Variants in ESRRG observed in about 807,000 individuals in gnomAD.
ESRRG encodes estrogen-related receptor gamma.
A neutral mutation model predicts 44.0 loss-of-function variants in ESRRG; 13 were observed. That is an observed-to-expected ratio of 0.30 (90% CI 0.19 to 0.47). The LOEUF is 0.47. Ranked by LOEUF, ESRRG falls within the 20% of genes least tolerant of loss-of-function variation. ESRRG has a pLI of 1.00. For synonymous variants in ESRRG, 215 were observed against 214.6 expected (o/e 1.00, Z -0.02); for missense variants, 395 against 580.6 (o/e 0.68, Z 3.29).
chr1:216,846,173 C>T (rs1177255419), intron 2 of ESRRG, among the ~76,000 whole-genome samples: 5 of 152,100 alleles, frequency 3.3e-5, no homozygotes, highest in African/African-American at 1.2e-4. Flanking sequence ...TTTACATGGT[C>T]AATATCGTAC....
At chr1:217,070,767 T>A (rs1263719765) in intron 1 of ESRRG, among the ~76,000 whole-genome samples, 1 of 152,220 alleles carries the variant, frequency 6.6e-6, no homozygotes, top group Non-Finnish European at 1.5e-5. Flanking sequence ...CCATGCCTCT[T>A]TCTGTGTCTA....
chr1:216,703,289 A>G (rs184170983), intron 1 of ESRRG, among the ~76,000 whole-genome samples: 1 of 152,304 alleles, frequency 6.6e-6, no homozygotes, highest in Admixed American at 6.5e-5. Flanking sequence ...TAACACTATG[A>G]TAACTGATGA....
intron 1 of ESRRG, chr1:216,714,450 A>G (rs545139272): frequency 1.0e-4 from 26 of 258,816 alleles, no homozygotes; most frequent in African/African-American, 2.8e-4. Flanking sequence ...GGTTATCTCA[A>G]TGTGGCAGCA....
chr1:217,100,162 T>C lies in ESRRG; in HGVS notation c.-230+37505A>G, dbSNP rs370286726. On this transcript the variant is annotated intron_variant, in intron 1 of 8. Coordinates refer to the ESRRG transcript ENST00000366940. ...GCTCTAGACATTCTGGGAATTCCTCTTTTAAAATCACCTTCATAGATGGTT... is the reference window on the plus strand; with the variant it reads ...GCTCTAGACATTCTGGGAATTCCTCCTTTAAAATCACCTTCATAGATGGTT... Among the ~76,000 whole-genome samples the C allele has an allele frequency of 2.6e-5, 4 of 152,362 alleles. No individual in the cohort carries two copies. In the East Asian group the frequency reaches 5.8e-4, roughly 22 times the overall value.
chr1:216,653,833 G>T (rs1489498653), intron 2 of ESRRG, among the ~76,000 whole-genome samples: 1 of 152,032 alleles, frequency 6.6e-6, no homozygotes, highest in Non-Finnish European at 1.5e-5. Context: ...AACCATCCAA[G>T]CCAGGTGCAG....
At chr1:216,550,330 T>C (rs2149375801) in intron 5 of ESRRG, among the ~76,000 whole-genome samples, 1 of 152,270 alleles carries the variant, frequency 6.6e-6, no homozygotes, top group South Asian at 2.1e-4. Context: ...TGTGACACAT[T>C]TGCATCTTAT....
At chr1:216,599,724 T>C (rs920352863) in intron 3 of ESRRG, among the ~76,000 whole-genome samples, 3 of 151,898 alleles carry the variant, frequency 2.0e-5, no homozygotes, top group Non-Finnish European at 2.9e-5. Context: ...AATGATCCTT[T>C]CAAATATTAA....
intron 2 of ESRRG, among the ~76,000 whole-genome samples, chr1:216,798,832 G>C (rs1474850185): frequency 6.6e-6 from 1 of 152,140 alleles, no homozygotes; most frequent in Non-Finnish European, 1.5e-5. Flanking sequence ...TACCTATGGA[G>C]CTGTTGTGGA....
chr1:217,018,766 T>C (rs947709662), intron 1 of ESRRG, among the ~76,000 whole-genome samples: 2 of 152,192 alleles, frequency 1.3e-5, no homozygotes, highest in Admixed American at 6.6e-5. Flanking sequence ...ATTTCATCTC[T>C]GAAGTCCACC....
At chr1:216,561,976 C>T (rs1193429481) in intron 5 of ESRRG, among the ~76,000 whole-genome samples, 3 of 152,102 alleles carry the variant, frequency 2.0e-5, no homozygotes, top group Non-Finnish European at 2.9e-5. Context: ...TTTAAAGTTG[C>T]TATCTTTACA....
At chr1:216,648,667 G>A (rs1402387100) in intron 3 of ESRRG, among the ~76,000 whole-genome samples, 1 of 152,096 alleles carries the variant, frequency 6.6e-6, no homozygotes, top group African/African-American at 2.4e-5. Flanking sequence ...AGTAAATCAA[G>A]TTAATAAAAA....
chr1:216,787,846 T>C (rs2094182871), intron 2 of ESRRG, among the ~76,000 whole-genome samples: 1 of 152,052 alleles, frequency 6.6e-6, no homozygotes, highest in Admixed American at 6.6e-5. Flanking sequence ...ATATGAATAA[T>C]AAGAACGTGA....
chr1:216,765,417 C>T (rs978019298), intron 2 of ESRRG, among the ~76,000 whole-genome samples: 1 of 152,064 alleles, frequency 6.6e-6, no homozygotes, highest in Non-Finnish European at 1.5e-5. Context: ...CCTGTGATCA[C>T]CCCTAGTCTT....
At chr1:216,565,657 A>G (rs985447043) in intron 4 of ESRRG, among the ~76,000 whole-genome samples, 1 of 152,200 alleles carries the variant, frequency 6.6e-6, no homozygotes, top group Non-Finnish European at 1.5e-5. Context: ...CATATTAATT[A>G]TAATTATTTC....
upstream of ESRRG, among the ~76,000 whole-genome samples, chr1:217,091,762 A>G (rs1232586865): frequency 1.3e-5 from 2 of 152,216 alleles, no homozygotes; most frequent in Non-Finnish European, 2.9e-5. Context: ...GCAAAGGCCT[A>G]TTGAGAACTC....
At chr1:216,560,732 T>A (rs1174200117) in intron 5 of ESRRG, among the ~76,000 whole-genome samples, 1 of 152,152 alleles carries the variant, frequency 6.6e-6, no homozygotes, top group Non-Finnish European at 1.5e-5. Context: ...GGGAGTGAAG[T>A]GGAGTGTGCA....
At chr1:217,056,885 G>GAGAACCCAATGGAAAC (rs761708753) in intron 1 of ESRRG, among the ~76,000 whole-genome samples, 63 of 151,710 alleles carry the variant, frequency 4.2e-4, no homozygotes, top group Non-Finnish European at 4.7e-4. Context: ...ATTGGGTATC[G>GAGAACCCAATGGAAAC]ATGGACCTGA....
At chr1:216,891,794 C>CTTTTTTT (rs35043282) in intron 2 of ESRRG, among the ~76,000 whole-genome samples, 11 of 102,388 alleles carry the variant, frequency 1.1e-4, no homozygotes, top group Non-Finnish European at 1.3e-4. Flanking sequence ...GTGGTGCCCG[C>CTTTTTTT]TTTTTTTTTT....
At chr1:216,997,393 G>A (rs1429213376) in intron 1 of ESRRG, among the ~76,000 whole-genome samples, 1 of 152,202 alleles carries the variant, frequency 6.6e-6, no homozygotes, top group Non-Finnish European at 1.5e-5. Context: ...CTGGCATGCA[G>A]TGAAACAGAC....
Sources: allele counts gnomAD v4.1 joint callset (sites outside exome capture counted in the v4.1 genomes callset), GRCh38; gene constraint gnomAD v4.1.1; transcripts MANE v1.5; gene names NCBI Gene and HGNC (gene_info 2026-07-23, HGNC 2026-07-21).